The following UQCC2 variants were observed in gnomAD, a reference collection of about 807,000 sequenced individuals.
The protein encoded by UQCC2 is ubiquinol-cytochrome c reductase complex assembly factor 2, also known as breast cancer-associated protein SGA-81M.
UQCC2 carries 21 observed loss-of-function variants against 19.9 expected under a neutral mutation model. The observed-to-expected ratio is 1.05, with a 90% CI of 0.75 to 1.52. UQCC2 has a LOEUF of 1.52. Ranked by LOEUF, UQCC2 falls within the 40% of genes most tolerant of loss-of-function variation. The pLI is 0.00. For missense variants in UQCC2, 135 were observed against 157.5 expected, an observed-to-expected ratio of 0.86 and a Z score of 0.76; for synonymous variants, 57 against 60.9, an observed-to-expected ratio of 0.94 and a Z score of 0.30.
intron 2 of UQCC2, among the ~76,000 whole-genome samples, chr6:33,701,116 A>G (rs552793716): frequency 6.6e-5 from 10 of 152,200 alleles, no homozygotes; most frequent in Non-Finnish European, 1.5e-4. Context: ...CATGGCTTCT[A>G]TTCATAATTG....
chr6:33,701,552 A>G, intron 1 of UQCC2, 132 bp from the exon 2 acceptor site: 1 of 790,590 alleles, frequency 1.3e-6, no homozygotes, highest in East Asian at 2.9e-5. Flanking sequence ...TGGCTTCTCC[A>G]CTCTGCGGGA....
At chr6:33,702,857 C>G (rs1420155525) in intron 1 of UQCC2, among the ~76,000 whole-genome samples, 1 of 152,200 alleles carries the variant, frequency 6.6e-6, no homozygotes, top group Non-Finnish European at 1.5e-5. Flanking sequence ...GGCAGCTCCA[C>G]TGCTGCCTCT....
chr6:33,705,986 T>C (rs1765693720), intron 1 of UQCC2, among the ~76,000 whole-genome samples: 2 of 152,196 alleles, frequency 1.3e-5, no homozygotes, highest in South Asian at 4.1e-4. Flanking sequence ...ATAGCTCTAT[T>C]TTTGCTCCTT....
chr6:33,701,487 G>C (rs1765639712), intron 1 of UQCC2, 67 bp from the exon 2 acceptor site: 2 of 1,475,912 alleles, frequency 1.4e-6, no homozygotes, highest in Non-Finnish European at 1.9e-6. Context: ...TCTGTACCTT[G>C]AGGAAAGACC....
Position 33,696,931 on chromosome 6 carries a change from G to C in UQCC2, c.*722C>G, listed in dbSNP as rs1238130654. 1 of 152,292 alleles carries C rather than the reference G, an allele frequency of 6.6e-6. No homozygotes were observed. Among genetic ancestry groups the C allele is most frequent in the Non-Finnish European group, 1.5e-5 (1 of 68,080 alleles). The allele number at this position is 152,292 out of a possible 1,614,324, so 9.4% of individuals were successfully genotyped here. A position where few individuals can be genotyped will look rare whatever the true frequency, so the allele number is the denominator to read the frequency against. ...AGAGAAGGATGCTCAATATCAGTAA[G>C]AGCCAAGGTTCCATGGAATAATGAG... On this transcript the variant is annotated 3_prime_UTR_variant, in exon 4 of 4. Coordinates refer to ENST00000607484, the MANE Select transcript of UQCC2 (RefSeq NM_032340.4).
At chr6:33,710,147 C>T (rs1332086098) in intron 1 of UQCC2, among the ~76,000 whole-genome samples, 1 of 152,122 alleles carries the variant, frequency 6.6e-6, no homozygotes, top group African/African-American at 2.4e-5. Flanking sequence ...CTGCGCATAA[C>T]CTGAATCCAA....
chr6:33,707,984 A>C (rs912090448), intron 1 of UQCC2, among the ~76,000 whole-genome samples: 3 of 152,268 alleles, frequency 2.0e-5, no homozygotes, highest in Non-Finnish European at 4.4e-5. Context: ...AAGACTCCCC[A>C]GAGGGCAATT....
Position 33,697,560 on chromosome 6 carries a change from C to T in UQCC2, c.*93G>A. Reference sequence around the variant, plus strand: ...GGGAAAGCTAGAGGAGATTCCCAAACCGTAAGGTCAAGGGGAAACTGGGGC... The same window carrying T: ...GGGAAAGCTAGAGGAGATTCCCAAATCGTAAGGTCAAGGGGAAACTGGGGC... On this transcript the variant is annotated 3_prime_UTR_variant, in exon 4 of 4. Coordinates refer to ENST00000607484, the MANE Select transcript of UQCC2 (RefSeq NM_032340.4). 1.0e-6 allele frequency: 1 copy of T among 965,256 alleles called. No individual in the cohort carries two copies. The highest frequency in any genetic ancestry group is 2.6e-5 in the Admixed American group (1 of 38,882). The allele number at this position is 965,256 out of a possible 1,614,324, so 59.8% of individuals were successfully genotyped here.
chr6:33,707,685 G>C (rs943299731), intron 1 of UQCC2, among the ~76,000 whole-genome samples: 6 of 152,224 alleles, frequency 3.9e-5, no homozygotes, highest in East Asian at 1.9e-4. Flanking sequence ...TGCAGTCCGG[G>C]ATCTTTTAGG....
intron 1 of UQCC2, among the ~76,000 whole-genome samples, chr6:33,704,132 C>T (rs1025257578): frequency 2.0e-5 from 3 of 152,112 alleles, no homozygotes; most frequent in Admixed American, 2.0e-4. Flanking sequence ...TAAATGTGAG[C>T]GATTAGTTTT....
chr6:33,701,304 CCGT>C (rs755765690), intron 2 of UQCC2, 39 bp downstream of exon 2: 2 of 1,566,700 alleles, frequency 1.3e-6, no homozygotes, highest in Non-Finnish European at 1.7e-6. Flanking sequence ...ATTAGTTGTC[CCGT>C]CAGAAAGCTG....
chr6:33,704,174 T>C (rs1235522625), intron 1 of UQCC2, among the ~76,000 whole-genome samples: 1 of 152,128 alleles, frequency 6.6e-6, no homozygotes, highest in Non-Finnish European at 1.5e-5. Context: ...AGAGTTGTAG[T>C]AAACACAGGC....
At chr6:33,706,077 G>A (rs143867712) in intron 1 of UQCC2, among the ~76,000 whole-genome samples, 146 of 152,262 alleles carry the variant, frequency 9.6e-4, no homozygotes, top group African/African-American at 3.3e-3. Flanking sequence ...CATCAGTGCT[G>A]CAGGCACTGA....
At chr6:33,709,793 G>A (rs115081430) in intron 1 of UQCC2, among the ~76,000 whole-genome samples, 1 of 151,142 alleles carries the variant, frequency 6.6e-6, no homozygotes, top group Non-Finnish European at 1.5e-5. Context: ...TGTTCCTTCT[G>A]TAACAAGTCT....
intron 1 of UQCC2, among the ~76,000 whole-genome samples, chr6:33,701,706 G>A (rs1190796068): frequency 6.6e-6 from 1 of 151,926 alleles, no homozygotes; most frequent in Non-Finnish European, 1.5e-5. Context: ...TGTGAGCCAC[G>A]ACACCAGCTG....
chr6:33,697,639 G>C lies in UQCC2; in HGVS notation c.*14C>G. ...ACTCCACACCTAGGTATGTGCACGA[G>C]GTAAGGCCTGAGCTCAGGCCTTATG... On this transcript the variant is annotated 3_prime_UTR_variant, in exon 4 of 4. Transcript: ENST00000607484. The C allele has an allele frequency of 6.3e-7, 1 of 1,597,750 alleles. No individual in the cohort carries two copies. Among genetic ancestry groups the C allele is most frequent in the Non-Finnish European group, 8.5e-7 (1 of 1,170,294 alleles).
chr6:33,697,637 G>T lies in UQCC2; in HGVS notation c.*16C>A. 6.3e-7 allele frequency: 1 copy of T among 1,586,154 alleles called. No individual in the cohort carries two copies. The highest frequency in any genetic ancestry group is 8.6e-7 in the Non-Finnish European group (1 of 1,163,478). On this transcript the variant is annotated 3_prime_UTR_variant, in exon 4 of 4. Transcript: ENST00000607484. ...AGACTCCACACCTAGGTATGTGCAC[G>T]AGGTAAGGCCTGAGCTCAGGCCTTA...
intron 1 of UQCC2, among the ~76,000 whole-genome samples, chr6:33,706,383 A>T (rs1474105597): frequency 6.6e-6 from 1 of 152,134 alleles, no homozygotes; most frequent in Non-Finnish European, 1.5e-5. Context: ...GGGGACGGTG[A>T]GGGGCCACAA....
At chr6:33,709,668 C>T (rs1329854590) in intron 1 of UQCC2, among the ~76,000 whole-genome samples, 4 of 152,142 alleles carry the variant, frequency 2.6e-5, no homozygotes, top group Non-Finnish European at 5.9e-5. Context: ...AGACACTCCC[C>T]AGGCTGCCAG....
Sources: gnomAD v4.1 joint callset for allele counts (sites outside exome capture counted in the v4.1 genomes callset) on GRCh38, gnomAD v4.1.1 for gene constraint, MANE v1.5 for transcripts, NCBI Gene and HGNC (gene_info 2026-07-23, HGNC 2026-07-21) for gene names.